The following ZC3H12B variants were observed in gnomAD, a reference collection of about 807,000 sequenced individuals.
The protein encoded by ZC3H12B is zinc finger CCCH-type containing 12B.
ZC3H12B carries 7 observed loss-of-function variants against 43.9 expected under a neutral mutation model. The ratio of observed to expected loss-of-function variants is 0.16; its 90% CI spans 0.09 to 0.30. ZC3H12B has a LOEUF of 0.30. ZC3H12B is among the 10% of genes least tolerant of loss of function. The pLI is 1.00. For missense variants in ZC3H12B, 475 were observed against 670.2 expected (o/e 0.71, Z 3.22); for synonymous variants, 222 against 241.7 (o/e 0.92, Z 0.76).
the ZC3H12B span, among the ~76,000 whole-genome samples, chrX:65,194,722 C>T: frequency 8.9e-6 from 1 of 111,857 alleles, no homozygotes; most frequent in African/African-American, 3.2e-5. Flanking sequence ...CTACAATGTT[C>T]GTTGATTTTC....
chrX:65,094,187 C>T, the ZC3H12B span, among the ~76,000 whole-genome samples: 1 of 110,018 alleles, frequency 9.1e-6, no homozygotes, highest in Non-Finnish European at 1.9e-5. Context: ...TTCCTGAGGC[C>T]TCCCAAGAAG....
chrX:65,450,440 TATATATATAC>T (rs2067462118), intron 3 of ZC3H12B, among the ~76,000 whole-genome samples: 2 of 53,921 alleles, frequency 3.7e-5, no homozygotes, highest in Non-Finnish European at 6.2e-5. Flanking sequence ...TTTATATGTG[TATATATATAC>T]ATATATGTAT....
chrX:65,419,526 A>T (rs1253832937), intron 3 of ZC3H12B, among the ~76,000 whole-genome samples: 1 of 111,643 alleles, frequency 9.0e-6, no homozygotes, highest in Non-Finnish European at 1.9e-5. Flanking sequence ...CAAATTGAAT[A>T]GGGTAGGAAG....
At chrX:65,219,123 T>C in the ZC3H12B span, among the ~76,000 whole-genome samples, 7 of 111,583 alleles carry the variant, frequency 6.3e-5, no homozygotes, top group African/African-American at 2.3e-4. Context: ...GGGGAAAAGG[T>C]AAAGCACCAT....
At chrX:65,133,833 T>A in the ZC3H12B span, among the ~76,000 whole-genome samples, 1 of 109,487 alleles carries the variant, frequency 9.1e-6, no homozygotes, top group Non-Finnish European at 1.9e-5. Context: ...GAAGAAAGAT[T>A]TGCGATGAGT....
At chrX:65,109,138 A>C in the ZC3H12B span, among the ~76,000 whole-genome samples, 1 of 111,556 alleles carries the variant, frequency 9.0e-6, no homozygotes, top group South Asian at 3.7e-4. Context: ...AAATACTCTT[A>C]TTAGCCACCA....
At chrX:65,265,393 G>A in the ZC3H12B span, among the ~76,000 whole-genome samples, 8 of 112,015 alleles carry the variant, frequency 7.1e-5, no homozygotes, top group South Asian at 1.1e-3. Context: ...TTAAATTAGT[G>A]TACTGGTCAA....
chrX:65,389,273 G>T (rs2066576707), intron 2 of ZC3H12B, among the ~76,000 whole-genome samples: 1 of 112,264 alleles, frequency 8.9e-6, no homozygotes, highest in African/African-American at 3.2e-5. Flanking sequence ...TTGAGCTGTG[G>T]TGGGCTCCAC....
At chrX:65,453,726 C>T (rs1254386098) in intron 3 of ZC3H12B, among the ~76,000 whole-genome samples, 2 of 109,050 alleles carry the variant, frequency 1.8e-5, no homozygotes, top group African/African-American at 6.7e-5. Context: ...GAGACCATGT[C>T]ACACACACAC....
At chrX:65,412,335 A>T (rs1401899104) in intron 3 of ZC3H12B, among the ~76,000 whole-genome samples, 2 of 112,310 alleles carry the variant, frequency 1.8e-5, no homozygotes, top group African/African-American at 3.2e-5. Context: ...ATGTGTCAGT[A>T]CTTCATTCCT....
chrX:65,093,637 G>T, the ZC3H12B span, among the ~76,000 whole-genome samples: 2 of 112,169 alleles, frequency 1.8e-5, no homozygotes, highest in Admixed American at 1.9e-4. Context: ...CTTGCATGTG[G>T]CTGTAGCCCC....
chrX:65,379,903 G>C (rs1334427995), intron 2 of ZC3H12B, among the ~76,000 whole-genome samples: 1 of 111,718 alleles, frequency 9.0e-6, no homozygotes, highest in Admixed American at 9.5e-5. Flanking sequence ...GGGAAATTTA[G>C]AGAAAAAAGA....
intron 3 of ZC3H12B, among the ~76,000 whole-genome samples, chrX:65,450,138 C>A (rs987316658): frequency 9.3e-6 from 1 of 107,081 alleles, no homozygotes; most frequent in Non-Finnish European, 1.9e-5. Context: ...AACCCTGTCT[C>A]TACTAAAAAT....
chrX:65,336,335 T>C, the ZC3H12B span, among the ~76,000 whole-genome samples: 1 of 112,031 alleles, frequency 8.9e-6, no homozygotes, highest in African/African-American at 3.2e-5. Context: ...CGCTACACCA[T>C]TGCCCTGGGG....
chrX:65,151,276 T>A, the ZC3H12B span, among the ~76,000 whole-genome samples: 1 of 111,899 alleles, frequency 8.9e-6, no homozygotes, highest in Non-Finnish European at 1.9e-5. Flanking sequence ...TAGTGCAATT[T>A]AAAAAATGAT....
the ZC3H12B span, among the ~76,000 whole-genome samples, chrX:65,335,398 CTGG>C: frequency 6.3e-5 from 7 of 111,926 alleles, no homozygotes; most frequent in Non-Finnish European, 1.3e-4. Flanking sequence ...GCCAATATTT[CTGG>C]CTTTTTAGCT....
chrX:65,286,016 G>T, the ZC3H12B span, among the ~76,000 whole-genome samples: 1 of 111,567 alleles, frequency 9.0e-6, no homozygotes, highest in Non-Finnish European at 1.9e-5. Context: ...ATTCCTCAAA[G>T]AACTTAAAAC....
the ZC3H12B span, among the ~76,000 whole-genome samples, chrX:65,321,735 C>A: frequency 5.5e-5 from 6 of 109,783 alleles, no homozygotes; most frequent in Non-Finnish European, 9.5e-5. Context: ...AGAACATGTC[C>A]TTTGCAGGGA....
intron 3 of ZC3H12B, among the ~76,000 whole-genome samples, chrX:65,439,663 C>T (rs965652828): frequency 8.9e-6 from 1 of 111,887 alleles, no homozygotes; most frequent in African/African-American, 3.3e-5. Flanking sequence ...ATTACCAGCC[C>T]TTATTGAAGG....
Sources: gnomAD v4.1 joint callset for allele counts (sites outside exome capture counted in the v4.1 genomes callset) on GRCh38, gnomAD v4.1.1 for gene constraint, MANE v1.5 for transcripts, NCBI Gene and HGNC (gene_info 2026-07-23, HGNC 2026-07-21) for gene names.